F5: variants seen among roughly 807,000 people sequenced by gnomAD.
The protein encoded by F5 is activated protein c cofactor.
Under a neutral mutation model 216.4 loss-of-function variants are expected in F5, and 138 were observed. The ratio of observed to expected loss-of-function variants is 0.64; its 90% CI spans 0.56 to 0.73. The LOEUF (loss-of-function observed/expected upper bound fraction) is 0.73. F5 is among the 30% of genes least tolerant of loss of function. F5 has a pLI of 0.00. For missense variants in F5, 2,403 were observed against 2,674.0 expected, an observed-to-expected ratio of 0.90 and a Z score of 2.24; for synonymous variants, 916 against 930.7, an observed-to-expected ratio of 0.98 and a Z score of 0.29.
At chr1:169,568,903 T>A (rs956512253) in intron 3 of F5, among the ~76,000 whole-genome samples, 2 of 152,104 alleles carry the variant, frequency 1.3e-5, no homozygotes, top group Non-Finnish European at 2.9e-5. Flanking sequence ...TGAACAACTC[T>A]TTTCCTCTCC....
intron 3 of F5, among the ~76,000 whole-genome samples, chr1:169,567,851 T>A (rs756672919): frequency 3.8e-4 from 58 of 152,122 alleles, no homozygotes; most frequent in Non-Finnish European, 7.2e-4. Context: ...AGGTTTGACC[T>A]CTAGATTTCT....
At chr1:169,566,579 G>T (rs575172435) in intron 3 of F5, among the ~76,000 whole-genome samples, 2 of 150,764 alleles carry the variant, frequency 1.3e-5, no homozygotes, top group South Asian at 4.3e-4. Context: ...GCTAGATAGT[G>T]GGAGAAAGCA....
intron 12 of F5, among the ~76,000 whole-genome samples, chr1:169,544,018 T>G (rs1659935408): frequency 6.6e-6 from 1 of 152,232 alleles, no homozygotes; most frequent in African/African-American, 2.4e-5. Flanking sequence ...AAAATATTTA[T>G]GCTTCTTCCT....
At chr1:169,525,379 A>G (rs1233366327) in intron 18 of F5, among the ~76,000 whole-genome samples, 2 of 152,176 alleles carry the variant, frequency 1.3e-5, no homozygotes, top group African/African-American at 2.4e-5. Flanking sequence ...TGATGAGACT[A>G]TGTTCTCAAA....
chr1:169,549,205 G>A lies in F5; in HGVS notation c.1611+596C>T, dbSNP rs1199429466. ...TGGGAATTTTAGTTTAATAATATGA[G>A]ACTACAATTCTTCAATGAAGACAAA... On this transcript the variant is annotated intron_variant, in intron 10 of 24. Coordinates refer to ENST00000367797, the MANE Select transcript of F5 (RefSeq NM_000130.5). 2.0e-5 allele frequency among the ~76,000 whole-genome samples: 3 copies of A among 152,228 alleles called. No individual in the cohort carries two copies. The East Asian group carries it at 5.8e-4, about 29-fold the overall frequency.
chr1:169,543,130 A>C lies in F5; in HGVS notation c.1976-16T>G, dbSNP rs1318911522. 3.7e-6 allele frequency: 6 copies of C among 1,608,248 alleles called. No homozygotes were observed. Among genetic ancestry groups the C allele is most frequent in the African/African-American group, 2.7e-5 (2 of 74,816 alleles). On this transcript the variant is annotated splice_polypyrimidine_tract_variant and intron_variant, in intron 12 of 24. Coordinates refer to ENST00000367797, the MANE Select transcript of F5 (RefSeq NM_000130.5). ...ATCCAAGTTCCTACAGAAGAGAGAC[A>C]GACAGAAGAGAGATCTGGAAGTCTG...
chr1:169,535,973 T>A (rs561673048), intron 14 of F5, among the ~76,000 whole-genome samples: 1 of 152,184 alleles, frequency 6.6e-6, no homozygotes, highest in African/African-American at 2.4e-5. Flanking sequence ...AAGCAAGTTA[T>A]AATCGTGGGT....
At position 169,544,352 on chromosome 1, in the gene F5, G is replaced by T; in HGVS notation, c.1919C>A (p.Thr640Asn). The T allele has an allele frequency of 1.2e-6, 2 of 1,614,114 alleles. No homozygotes were observed. Among genetic ancestry groups the T allele is most frequent in the Non-Finnish European group, 8.5e-7 (1 of 1,179,998 alleles). The change falls in exon 12 of 25, where the codon ACC becomes AAC. Residue 640 changes from threonine to asparagine, a missense_variant. By Grantham distance (65) the Thr-to-Asn change is moderately conservative. This residue lies in a region of F5 where 1,425 missense variants were observed against 1,554.8 expected (regional missense o/e 0.92). Coordinates refer to ENST00000367797, the MANE Select transcript of F5 (RefSeq NM_000130.5). ...TCCACGCATGGGGAAGAGGGTCAAG[G>T]TGTCCTCATGCCTCTTTCCATAGAT... ...SFIYGKRHED[T>N]LTLFPMRGES...
At position 169,536,527 on chromosome 1, in the gene F5, A is replaced by G. The variant is rs1659708254; in HGVS notation, c.4950T>C (p.Ala1650=). The G allele has an allele frequency of 6.2e-7, 1 of 1,613,402 alleles. No individual in the cohort carries two copies. Among genetic ancestry groups the G allele is most frequent in the Non-Finnish European group, 8.5e-7 (1 of 1,179,474 alleles). The change falls in exon 14 of 25, where the codon GCT becomes GCC. Residue 1650 remains alanine (A), a synonymous_variant. Coordinates refer to ENST00000367797, the MANE Select transcript of F5 (RefSeq NM_000130.5). ...HLGILGPIIR[A]EVDDVIQVRF... ...TTACTTGGATAACATCATCCACTTC[A>G]GCTCTGATAATAGGACCAAGAATTC...
intron 5 of F5, among the ~76,000 whole-genome samples, chr1:169,558,479 T>C (rs566437900): frequency 3.9e-5 from 6 of 152,348 alleles, no homozygotes; most frequent in Non-Finnish European, 8.8e-5. Context: ...TTTAGTGTTT[T>C]GAAATATGGT....
chr1:169,525,065 T>C (rs560129567), intron 18 of F5, among the ~76,000 whole-genome samples, 157 bp from the exon 19 acceptor site: 17 of 152,336 alleles, frequency 1.1e-4, no homozygotes, highest in Non-Finnish European at 2.2e-4. Context: ...TATAAAATGG[T>C]AAATGCACTA....
At chr1:169,548,907 AT>A (rs1254660476) in intron 10 of F5, among the ~76,000 whole-genome samples, 1 of 151,810 alleles carries the variant, frequency 6.6e-6, no homozygotes, top group Non-Finnish European at 1.5e-5. Flanking sequence ...CAAAAGAAAA[AT>A]CTCATTTCGC....
chr1:169,551,899 C>G (rs900900876), intron 8 of F5, among the ~76,000 whole-genome samples: 3 of 152,206 alleles, frequency 2.0e-5, no homozygotes, highest in Admixed American at 2.0e-4. Context: ...TTACCTTCAT[C>G]AGAGTCCAAC....
Position 169,540,808 on chromosome 1 carries a change from A to G in F5, c.4282T>C (p.Ser1428Pro), listed in dbSNP as rs865947944. ...ACCTGGCTGAGGTCTGGGGAAAGGGACATCTGACCAAAGTTTGGGGAAAGA... is the reference window on the plus strand; with the variant it reads ...ACCTGGCTGAGGTCTGGGGAAAGGGGCATCTGACCAAAGTTTGGGGAAAGA... ...TDLSPNFGQM[S>P]LSPDLSQVTL... The change falls in exon 13 of 25, where the codon TCC (serine) becomes CCC (proline). Residue 1428 changes from serine to proline, a missense_variant. Transcript: ENST00000367797. 1 of 1,611,402 alleles carries G rather than the reference A, an allele frequency of 6.2e-7. No homozygotes were observed. The highest frequency in any genetic ancestry group is 1.3e-5 in the African/African-American group (1 of 74,214).
At chr1:169,543,632 G>A (rs1231188153) in intron 12 of F5, among the ~76,000 whole-genome samples, 1 of 152,088 alleles carries the variant, frequency 6.6e-6, no homozygotes, top group Admixed American at 6.6e-5. Context: ...TAATTCACGA[G>A]GACAATTTTG....
At chr1:169,524,770 G>A in intron 19 of F5, 67 bp downstream of exon 19, 2 of 1,290,612 alleles carry the variant, frequency 1.5e-6, no homozygotes, top group South Asian at 2.4e-5. Context: ...GTCATGTATG[G>A]TTTCATAGGC....
In F5 at chr1:169,586,297, C is replaced by T. The variant is rs760903615; in HGVS notation, c.90G>A (p.Gln30=). ...GWGSQGTEAA[Q]LRQFYVAAQG... is the part of the protein sequence containing the mutation. ...GAGCAGCCACGTAGAACTGCCTTAGCTGTGCCGCTTCTGTCCCTTGGCTCC... is the reference window on the plus strand; with the variant it reads ...GAGCAGCCACGTAGAACTGCCTTAGTTGTGCCGCTTCTGTCCCTTGGCTCC... The change falls in exon 1 of 25, where the codon CAG becomes CAA. Residue 30 remains glutamine, a synonymous_variant. Transcript: ENST00000367797. 6.2e-7 allele frequency: 1 copy of T among 1,614,206 alleles called. No individual in the cohort carries two copies. The highest frequency in any genetic ancestry group is 1.3e-5 in the African/African-American group (1 of 75,058).
intron 7 of F5, among the ~76,000 whole-genome samples, chr1:169,554,951 T>C (rs1346798711): frequency 6.6e-6 from 1 of 152,234 alleles, no homozygotes; most frequent in African/African-American, 2.4e-5. Context: ...TGCTTGGCAA[T>C]GGCAAACATT....
At chr1:169,575,044 A>G (rs1009948998) in intron 2 of F5, among the ~76,000 whole-genome samples, 5 of 152,216 alleles carry the variant, frequency 3.3e-5, no homozygotes, top group African/African-American at 1.2e-4. Context: ...TCACAAAAAC[A>G]TTCAATTTAA....
Sources: gnomAD v4.1 joint callset for allele counts (sites outside exome capture counted in the v4.1 genomes callset) on GRCh38, gnomAD v4.1.1 for gene constraint, gnomAD v4.1.1 regional missense constraint, MANE v1.5 for transcripts, NCBI Gene and HGNC (gene_info 2026-07-23, HGNC 2026-07-21) for gene names.